Variants in LPIN3 observed in about 807,000 individuals in gnomAD.
LPIN3 encodes the protein lipin 3.
A neutral mutation model predicts 94.7 loss-of-function variants in LPIN3; 82 were observed. That is an observed-to-expected ratio of 0.87 (90% CI 0.72 to 1.04). The LOEUF (loss-of-function observed/expected upper bound fraction) is 1.04. Ranked by LOEUF, LPIN3 falls within the 50% of genes least tolerant of loss-of-function variation. The pLI is 0.00. For missense variants in LPIN3, 996 were observed against 1,090.5 expected (o/e 0.91, Z 1.22); for synonymous variants, 418 against 443.3 (o/e 0.94, Z 0.72).
chr20:41,348,798 A>G lies in LPIN3; in HGVS notation c.468A>G (p.Ala156=). 6.2e-6 allele frequency: 10 copies of G among 1,612,336 alleles called. No homozygotes were observed. The highest frequency in any genetic ancestry group is 2.2e-5 in the East Asian group (1 of 44,816). The change falls in exon 4 of 20, where the codon GCA becomes GCG. Residue 156 remains alanine, a synonymous_variant. Coordinates refer to ENST00000373257, the MANE Select transcript of LPIN3 (RefSeq NM_022896.3). ...GGAAACCCAAGCAGAAAGAGGATGCAGTGGCAACTGATTCTAGTCCAGAGG... is the reference window on the plus strand; with the variant it reads ...GGAAACCCAAGCAGAAAGAGGATGCGGTGGCAACTGATTCTAGTCCAGAGG... ...RRRKPKQKED[A]VATDSSPEEL...
At chr20:41,343,188 G>C (rs6029641) in intron 1 of LPIN3, among the ~76,000 whole-genome samples, 61,085 of 151,774 alleles carry the variant, frequency 0.4, 14,490 homozygotes, top group East Asian at 0.8. Flanking sequence ...CTGAAGCTGA[G>C]AAACTGCACT....
Position 41,358,926 on chromosome 20 carries a change from G to A in LPIN3, c.*60G>A. 6.3e-7 allele frequency: 1 copy of A among 1,578,868 alleles called. No homozygotes were observed. The highest frequency in any genetic ancestry group is 1.2e-5 in the South Asian group (1 of 85,828). On this transcript the variant is annotated 3_prime_UTR_variant, in exon 20 of 20. Transcript: ENST00000373257. The stretch of plus-strand genomic sequence containing the variant: ...CCCAGGACTGGCTAGGTGTCCTGGG[G>A]TATAGGAGGGTGGGAATTGGAGTGT...
intron 16 of LPIN3, 109 bp from the exon 17 acceptor site, chr20:41,357,773 G>T: frequency 7.0e-7 from 1 of 1,435,320 alleles, no homozygotes; most frequent in African/African-American, 1.4e-5. Context: ...CCCTGCAAAG[G>T]TTGGAACATC....
At position 41,347,646 on chromosome 20, in the gene LPIN3, A is replaced by G. The variant is rs766766076; in HGVS notation, c.287A>G (p.Asp96Gly). The G allele has an allele frequency of 1.2e-6, 2 of 1,612,892 alleles. No homozygotes were observed. The highest frequency in any genetic ancestry group is 2.2e-5 in the South Asian group (2 of 90,884). The part of the protein sequence containing the change: ...AFFVQELESD[D>G]EHVPPGLCTS... ...TTTGTTCAGGAGCTGGAGAGCGATG[A>G]TGTGAGTCTGCCCTCCTAACAGCAC... The change falls in exon 3 of 20, where the codon GAT becomes GGT. Residue 96 changes from aspartate (D) to glycine (G), a missense_variant and splice_region_variant. Transcript: ENST00000373257.
Position 41,358,529 on chromosome 20 carries a change from A to C in LPIN3, c.2398A>C (p.Asn800His). 1 of 1,614,030 alleles carries C rather than the reference A, an allele frequency of 6.2e-7. No individual in the cohort carries two copies. The highest frequency in any genetic ancestry group is 8.5e-7 in the Non-Finnish European group (1 of 1,179,986). The change falls in exon 19 of 20, where the codon AAC becomes CAC. Residue 800 changes from asparagine (N) to histidine (H), a missense_variant. Transcript: ENST00000373257. ...AGAGCTCATCCAGGAGCTCATAAAG[A>C]ACCACAAATCCACGTGAGGCTAAAC... is the stretch of plus-strand genomic sequence containing the variant. Reference protein sequence around the residue: ...RGELIQELIKNHKSTYERLGE... With the variant: ...RGELIQELIKHHKSTYERLGE...
Position 41,350,232 on chromosome 20 carries a change from G to C in LPIN3, c.937G>C (p.Asp313His). 6.2e-7 allele frequency: 1 copy of C among 1,613,756 alleles called. No homozygotes were observed. The highest frequency in any genetic ancestry group is 8.5e-7 in the Non-Finnish European group (1 of 1,180,022). ...AGADLQPDTEDPTLVGPPLHT... is the reference protein window; with the variant it reads ...AGADLQPDTEHPTLVGPPLHT... ...TGCCGACCTTCAGCCTGACACAGAG[G>C]ATCCCACTCTAGTGGGTCCCCCTCT... Residue 313 changes from aspartate to histidine, a missense_variant, in exon 7 of 20, where the codon GAT (aspartate) becomes CAT (histidine). Transcript: ENST00000373257.
Position 41,357,389 on chromosome 20 carries a change from C to T in LPIN3, c.1981C>T (p.Gln661Ter), listed in dbSNP as rs2046249390. The T allele has an allele frequency of 5.6e-6, 9 of 1,614,074 alleles. No homozygotes were observed. The highest frequency in any genetic ancestry group is 1.7e-5 in the Admixed American group (1 of 60,020). ...KSDALGHILPQLGKDWTHQGI... is the reference protein window; with the variant it reads ...KSDALGHILP ...AGATGCTCTGGGCCATATCCTGCCC[C>T]AGCTGGGGAAAGACTGGACACACCA... The change falls in exon 16 of 20, where the codon CAG (glutamine) becomes TAG (stop). Residue 661 changes from glutamine to a stop codon, truncating the protein, a stop_gained. Coordinates refer to ENST00000373257, the MANE Select transcript of LPIN3 (RefSeq NM_022896.3). LOFTEE classifies it high-confidence loss of function.
intron 3 of LPIN3, among the ~76,000 whole-genome samples, 139 bp from the exon 4 acceptor site, chr20:41,348,460 AGTGGCTACAGGGCCAGGCTG>A (rs2045867816): frequency 6.6e-6 from 1 of 152,190 alleles, no homozygotes; most frequent in Non-Finnish European, 1.5e-5. Flanking sequence ...TGAGGCCAGC[AGTGGCTACAGGGCCAGGCTG>A]GTGCCTCCAC....
Position 41,352,152 on chromosome 20 carries a change from T to C in LPIN3, c.1295T>C (p.Leu432Pro), listed in dbSNP as rs746276602. ...PNPEHEPEPT[L>P]DTVDTIALSL... Reference sequence around the variant, plus strand: ...CCTGAACATGAACCTGAACCCACTCTGGACACAGTGGATACAATAGCACTG... The same window carrying C: ...CCTGAACATGAACCTGAACCCACTCCGGACACAGTGGATACAATAGCACTG... The change falls in exon 9 of 20, where the codon CTG becomes CCG. Residue 432 changes from leucine (L) to proline (P), a missense_variant. Physicochemically the swap from Leu to Pro is moderately conservative, Grantham distance 98. Transcript: ENST00000373257. The C allele has an allele frequency of 1.9e-6, 3 of 1,614,232 alleles. No homozygotes were observed. In the East Asian group the frequency reaches 6.7e-5, roughly 36 times the overall value.
chr20:41,352,630 C>T lies in LPIN3; in HGVS notation c.1388C>T (p.Ser463Phe). 1.2e-6 allele frequency: 2 copies of T among 1,614,212 alleles called. No individual in the cohort carries two copies. The highest frequency in any genetic ancestry group is 1.7e-6 in the Non-Finnish European group (2 of 1,180,028). ...SLEKFNQHSV[S>F]YQDLTKNPGL... ...GAGAAATTCAACCAGCACAGCGTCT[C>T]TTACCAGGACCTCACCAAAAACCCC... The change falls in exon 10 of 20, where the codon TCT becomes TTT. Residue 463 changes from serine (S) to phenylalanine (F), a missense_variant. Transcript: ENST00000373257.
At chr20:41,342,878 C>A (rs2045636919) in intron 1 of LPIN3, among the ~76,000 whole-genome samples, 1 of 152,194 alleles carries the variant, frequency 6.6e-6, no homozygotes, top group Non-Finnish European at 1.5e-5. Flanking sequence ...GAAGGGGAAA[C>A]TGAGGCCAGC....
rs2046077513 is a variant in LPIN3 at position 41,352,864 on chromosome 20, CA to C, written c.1526del (p.Lys509ArgfsTer53). The C allele has an allele frequency of 6.2e-7, 1 of 1,614,130 alleles. No individual in the cohort carries two copies. The highest frequency in any genetic ancestry group is 1.3e-5 in the African/African-American group (1 of 75,038). ...SLQAFQKNLP[K>X]STMDKLEREK... is the part of the protein sequence containing the mutation. ...TGCAAGCCTTCCAGAAAAACTTGCC[CA>C]AGGTAATGGTTAGAGCACCACTGCC... On this transcript the variant is annotated frameshift_variant and splice_region_variant, in exon 11 of 20. Transcript: ENST00000373257. LOFTEE classifies it high-confidence loss of function.
chr20:41,357,857 A>AT, intron 16 of LPIN3, 25 bp from the exon 17 acceptor site: 1 of 1,613,694 alleles, frequency 6.2e-7, no homozygotes, highest in Non-Finnish European at 8.5e-7. Flanking sequence ...TGATGGCTCT[A>AT]TGCCACCCTG....
At chr20:41,357,610 G>A (rs2046258932) in intron 16 of LPIN3, among the ~76,000 whole-genome samples, 163 bp downstream of exon 16, 1 of 152,222 alleles carries the variant, frequency 6.6e-6, no homozygotes, top group Admixed American at 6.5e-5. Flanking sequence ...TTCTGGGAAA[G>A]GCTCATCCCC....
At chr20:41,351,746 A>G (rs1429079425) in intron 7 of LPIN3, 75 bp from the exon 8 acceptor site, 5 of 1,353,816 alleles carry the variant, frequency 3.7e-6, no homozygotes, top group Non-Finnish European at 1.0e-6. Flanking sequence ...TAGAGAATTC[A>G]GAGTCAGAGG....
In LPIN3 at chr20:41,354,654, G is replaced by T. The variant is rs1302017795; in HGVS notation, c.1537G>T (p.Asp513Tyr). ...TTTCATCTGCCCACAGAGCACCATG[G>T]ACAAGCTGGAGAGGGAGAAGATGCC... ...FQKNLPKSTM[D>Y]KLEREKMPRK... The change falls in exon 12 of 20, where the codon GAC (aspartate) becomes TAC (tyrosine). Residue 513 changes from aspartate to tyrosine, a missense_variant. Asp to Tyr is a radical substitution (Grantham distance 160). Coordinates refer to ENST00000373257, the MANE Select transcript of LPIN3 (RefSeq NM_022896.3). 6.3e-7 allele frequency: 1 copy of T among 1,586,418 alleles called. No individual in the cohort carries two copies. The highest frequency in any genetic ancestry group is 8.6e-7 in the Non-Finnish European group (1 of 1,164,548).
At chr20:41,347,212 C>G (rs923377379) in intron 2 of LPIN3, among the ~76,000 whole-genome samples, 1 of 152,212 alleles carries the variant, frequency 6.6e-6, no homozygotes, top group African/African-American at 2.4e-5. Flanking sequence ...GACCACGTCC[C>G]TATTCTTATG....
chr20:41,343,040 G>T (rs896901481), intron 1 of LPIN3, among the ~76,000 whole-genome samples: 2 of 152,172 alleles, frequency 1.3e-5, no homozygotes, highest in Admixed American at 6.5e-5. Context: ...AGACAATTTG[G>T]CTGTCACAAC....
Position 41,350,137 on chromosome 20 carries a change from G to A in LPIN3, c.842G>A (p.Ser281Asn). ...ACCTCTCCTCCTCGGGGAGGACCCA[G>A]CACTCCCTCTACCTCTGTGGCTGGC... The part of the protein sequence containing the change: ...GATSPPRGGP[S>N]TPSTSVAGGV... Residue 281 changes from serine (S) to asparagine (N), a missense_variant, in exon 7 of 20, where the codon AGC becomes AAC. Transcript: ENST00000373257. 6.2e-7 allele frequency: 1 copy of A among 1,612,954 alleles called. No homozygotes were observed. Among genetic ancestry groups the A allele is most frequent in the Non-Finnish European group, 8.5e-7 (1 of 1,179,692 alleles).
Sources: allele counts gnomAD v4.1 joint callset (sites outside exome capture counted in the v4.1 genomes callset), GRCh38; gene constraint gnomAD v4.1.1; transcripts MANE v1.5; gene names NCBI Gene and HGNC (gene_info 2026-07-23, HGNC 2026-07-21).